Variants in SLC7A13 observed in about 807,000 individuals in gnomAD.
SLC7A13 encodes the protein solute carrier family 7 member 13, also known as X-amino acid transporter 2.
Under a neutral mutation model 32.0 loss-of-function variants are expected in SLC7A13, and 31 were observed. The ratio of observed to expected loss-of-function variants is 0.97; its 90% CI spans 0.73 to 1.31. SLC7A13 has a LOEUF of 1.31. SLC7A13 is among the 50% of genes most tolerant of loss of function. The pLI, the probability that SLC7A13 is intolerant of heterozygous loss-of-function variation, is 0.00. For missense variants in SLC7A13, 633 were observed against 546.9 expected (o/e 1.16, Z -1.57); for synonymous variants, 232 against 206.9 (o/e 1.12, Z -1.04).
Position 86,217,584 on chromosome 8 carries a change from A to G in SLC7A13, c.1065T>C (p.Ser355=), listed in dbSNP as rs768246532. Residue 355 remains serine, a synonymous_variant, in exon 3 of 4, where the codon AGT becomes AGC. Coordinates refer to ENST00000297524, the MANE Select transcript of SLC7A13 (RefSeq NM_138817.3). The part of the protein sequence containing the change: ...TLGSLAIILT[S]LIDLINYIFF... Reference sequence around the variant, plus strand: ...AAATATAGTTTATCAAATCAATTAGACTTGTTAAGATAATTGCAAGGGATC... The same window carrying G: ...AAATATAGTTTATCAAATCAATTAGGCTTGTTAAGATAATTGCAAGGGATC... The G allele has an allele frequency of 1.3e-5, 21 of 1,613,278 alleles. No individual in the cohort carries two copies. The highest frequency in any genetic ancestry group is 8.3e-5 in the Admixed American group (5 of 59,904).
rs903266976 is a variant in SLC7A13 at position 86,223,085 on chromosome 8, C to G, written c.704G>C (p.Arg235Thr). The change falls in exon 2 of 4, where the codon AGA becomes ACA. Residue 235 changes from arginine to threonine, a missense_variant. Physicochemically the swap from Arg to Thr is moderately conservative, Grantham distance 71. Transcript: ENST00000297524. ...TLIAGELKKP[R>T]TTIPKCIFTA... ...AAATATGCATTTGGGAATTGTTGTTCTGGGCTTCTTCAGCTCCCCTATAAC... is the reference window on the plus strand; with the variant it reads ...AAATATGCATTTGGGAATTGTTGTTGTGGGCTTCTTCAGCTCCCCTATAAC... The G allele has an allele frequency of 2.5e-6, 4 of 1,600,908 alleles. No individual in the cohort carries two copies. Among genetic ancestry groups the G allele is most frequent in the Non-Finnish European group, 3.4e-6 (4 of 1,174,042 alleles).
Position 86,217,646 on chromosome 8 carries a change from A to G in SLC7A13, c.1003T>C (p.Ser335Pro). Residue 335 changes from serine (S) to proline (P), a missense_variant, in exon 3 of 4, where the codon TCT becomes CCT. Physicochemically the swap from Ser to Pro is moderately conservative, Grantham distance 74. Transcript: ENST00000297524. ...LLFNTLNSHS[S>P]PFTAVLLLVT... ...AGTAGTAGCACAGCTGTAAATGGAG[A>G]AGAGTGACTATTAAGTGTATTAAAT... is the stretch of plus-strand genomic sequence containing the variant. The G allele has an allele frequency of 3.1e-6, 5 of 1,613,520 alleles. No homozygotes were observed. The highest frequency in any genetic ancestry group is 4.2e-6 in the Non-Finnish European group (5 of 1,179,636).
At chr8:86,221,823 C>T (rs1001047989) in intron 2 of SLC7A13, among the ~76,000 whole-genome samples, 1 of 152,086 alleles carries the variant, frequency 6.6e-6, no homozygotes, top group African/African-American at 2.4e-5. Flanking sequence ...TTTAACAACC[C>T]GTATGGACGG....
rs185522605 is a variant in SLC7A13, at chr8:86,229,906, A to G, written c.372T>C (p.Phe124=). The change falls in exon 1 of 4, where the codon TTT becomes TTC. Residue 124 remains phenylalanine, a synonymous_variant. Coordinates refer to ENST00000297524, the MANE Select transcript of SLC7A13 (RefSeq NM_138817.3). ...LLAEYSIQPF[F]PSCSVPKLPK... Reference sequence around the variant, plus strand: ...GCAGCTTTGGGACAGAGCAGCTGGGAAAAAAAGGCTGGATGCTGTACTCAG... The same window carrying G: ...GCAGCTTTGGGACAGAGCAGCTGGGGAAAAAAGGCTGGATGCTGTACTCAG... The G allele has an allele frequency of 1.2e-5, 19 of 1,614,014 alleles. No homozygotes were observed. In the East Asian group the frequency reaches 1.3e-4, roughly 11 times the overall value.
rs1820336373 is a variant in SLC7A13, at chr8:86,223,303, T to C, written c.686-200A>G. Among the ~76,000 whole-genome samples, 4 of 152,140 alleles carry C rather than the reference T, an allele frequency of 2.6e-5. No individual in the cohort carries two copies. The South Asian group carries it at 8.3e-4, about 32-fold the overall frequency. On this transcript the variant is annotated intron_variant, in intron 1 of 3. Coordinates refer to ENST00000297524, the MANE Select transcript of SLC7A13 (RefSeq NM_138817.3). ...AACATACATTGTACCTATTAAGTAA[T>C]TTTTCATCATCCACCTGTCTACTCC...
At chr8:86,227,465 G>A (rs1341967793) in intron 1 of SLC7A13, among the ~76,000 whole-genome samples, 1 of 152,178 alleles carries the variant, frequency 6.6e-6, no homozygotes, top group Non-Finnish European at 1.5e-5. Flanking sequence ...ACATTGAAGG[G>A]AAGTGTATAC....
chr8:86,225,187 T>C (rs747834657), intron 1 of SLC7A13, among the ~76,000 whole-genome samples: 2 of 152,184 alleles, frequency 1.3e-5, no homozygotes, highest in Non-Finnish European at 2.9e-5. Context: ...TATCTATCAT[T>C]TGACTATATC....
intron 1 of SLC7A13, among the ~76,000 whole-genome samples, chr8:86,228,684 A>AAAAATGC (rs1160758890): frequency 7.2e-5 from 11 of 152,068 alleles, no homozygotes; most frequent in African/African-American, 2.7e-4. Context: ...TGTCTCTACC[A>AAAAATGC]AAAATGCAAA....
Position 86,230,339 on chromosome 8 carries a change from A to G in SLC7A13, c.-62T>C, listed in dbSNP as rs878976461. On this transcript the variant is annotated 5_prime_UTR_variant, in exon 1 of 4. Transcript: ENST00000297524. The stretch of plus-strand genomic sequence containing the variant: ...AATTTCTAGATTTTCCTGCCTATGT[A>G]GCTGCAAAGGATGTTGATGGATTCC... 1 of 1,398,194 alleles carries G rather than the reference A, an allele frequency of 7.2e-7. No individual in the cohort carries two copies. The highest frequency in any genetic ancestry group is 9.6e-7 in the Non-Finnish European group (1 of 1,041,586). 86.6% of individuals were successfully genotyped at this position (1,398,194 alleles called of 1,614,324 possible).
rs150103446 is a variant in SLC7A13 at position 86,215,514 on chromosome 8, C to G, written c.1180-868G>C. On this transcript the variant is annotated intron_variant, in intron 3 of 3. Coordinates refer to ENST00000297524, the MANE Select transcript of SLC7A13 (RefSeq NM_138817.3). ...CAGCCTGGGCAACATGGTGAAACAC[C>G]GTCTCTACTAAAATTACAAAAGTTA... The G allele has an allele frequency of 6.0e-4, 176 of 293,736 alleles. 1 individual carries two copies. The highest frequency in any genetic ancestry group is 3.7e-3 in the African/African-American group (161 of 43,250). 18.2% of individuals were successfully genotyped at this position (293,736 alleles called of 1,614,324 possible).
chr8:86,220,126 C>A (rs1820268715), intron 2 of SLC7A13, among the ~76,000 whole-genome samples: 1 of 152,042 alleles, frequency 6.6e-6, no homozygotes, highest in Non-Finnish European at 1.5e-5. Flanking sequence ...TACTTTTAGG[C>A]TGCATCTGGA....
rs915792253 is a variant in SLC7A13, at chr8:86,217,608, T to A, written c.1041A>T (p.Gly347=). The A allele has an allele frequency of 1.9e-6, 3 of 1,613,132 alleles. No homozygotes were observed. The African/African-American group carries it at 4.0e-5, about 22-fold the overall frequency. Residue 347 remains glycine, a synonymous_variant, in exon 3 of 4, where the codon GGA becomes GGT. Transcript: ENST00000297524. The stretch of plus-strand genomic sequence containing the variant: ...GACTTGTTAAGATAATTGCAAGGGA[T>A]CCCAAAGTGACAAGTAGTAGCACAG... The part of the protein sequence containing the change: ...FTAVLLLVTL[G]SLAIILTSLI...
chr8:86,216,907 T>A (rs1344110812), intron 3 of SLC7A13, among the ~76,000 whole-genome samples: 2 of 152,182 alleles, frequency 1.3e-5, no homozygotes, highest in Non-Finnish European at 2.9e-5. Context: ...GGGCCATCTT[T>A]CTCCAATAAC....
At chr8:86,220,283 C>T (rs536184000) in intron 2 of SLC7A13, among the ~76,000 whole-genome samples, 1 of 152,168 alleles carries the variant, frequency 6.6e-6, no homozygotes, top group East Asian at 1.9e-4. Context: ...GTGTGGCAGA[C>T]CTTTAGGAAC....
intron 1 of SLC7A13, among the ~76,000 whole-genome samples, chr8:86,228,447 T>C (rs1820425368): frequency 6.6e-6 from 1 of 152,152 alleles, no homozygotes; most frequent in Admixed American, 6.5e-5. Flanking sequence ...CAATCATAGC[T>C]TACTGCAGCC....
At chr8:86,219,000 T>C (rs1158922445) in intron 2 of SLC7A13, among the ~76,000 whole-genome samples, 1 of 152,218 alleles carries the variant, frequency 6.6e-6, no homozygotes, top group Non-Finnish European at 1.5e-5. Context: ...AAAATTAAAA[T>C]ATCATTAATA....
intron 3 of SLC7A13, among the ~76,000 whole-genome samples, chr8:86,215,919 C>T: frequency 6.6e-6 from 1 of 152,056 alleles, no homozygotes; most frequent in East Asian, 1.9e-4. Context: ...GCAATAATAG[C>T]CATCAATGTC....
At chr8:86,215,651 A>G (rs1385096005) in intron 3 of SLC7A13, 3 of 443,836 alleles carry the variant, frequency 6.8e-6, no homozygotes, top group Admixed American at 2.5e-5. Flanking sequence ...ATGCCACTGC[A>G]CTCCAGCTTC....
chr8:86,222,965 T>C lies in SLC7A13; in HGVS notation c.817+7A>G. The stretch of plus-strand genomic sequence containing the variant: ...TTATTTATTGCTTTAGCCATTTGCA[T>C]ACAAACCTGAAGAGAGAATTTCCCT... On this transcript the variant is annotated splice_region_variant and intron_variant, in intron 2 of 3. Coordinates refer to ENST00000297524, the MANE Select transcript of SLC7A13 (RefSeq NM_138817.3). 1 of 1,589,544 alleles carries C rather than the reference T, an allele frequency of 6.3e-7. No homozygotes were observed. Among genetic ancestry groups the C allele is most frequent in the South Asian group, 1.2e-5 (1 of 85,856 alleles).
Sources: gnomAD v4.1 joint callset for allele counts (sites outside exome capture counted in the v4.1 genomes callset) on GRCh38, gnomAD v4.1.1 for gene constraint, MANE v1.5 for transcripts, NCBI Gene and HGNC (gene_info 2026-07-23, HGNC 2026-07-21) for gene names.